The following FAAH2 variants were observed in gnomAD, a reference collection of about 807,000 sequenced individuals.
FAAH2 encodes fatty acid amide hydrolase 2, also known as fatty-acid amide hydrolase 2.
A neutral mutation model predicts 36.9 loss-of-function variants in FAAH2; 60 were observed. The observed-to-expected ratio is 1.63, with a 90% CI of 1.32 to 2.02. The LOEUF is 2.02. Among genes scored for constraint, FAAH2 ranks in the 30% most tolerant of loss-of-function variants. The probability of loss-of-function intolerance (pLI) is 0.00; values close to 1 mark genes in which losing one functional copy is unlikely to be tolerated. For missense variants in FAAH2, 689 were observed against 397.5 expected, an observed-to-expected ratio of 1.73 and a Z score of -6.23; for synonymous variants, 214 against 143.8, an observed-to-expected ratio of 1.49 and a Z score of -3.49.
the FAAH2 span, among the ~76,000 whole-genome samples, chrX:57,202,905 C>T: frequency 8.9e-6 from 1 of 111,780 alleles, no homozygotes; most frequent in Non-Finnish European, 1.9e-5. Context: ...AAAGCCTCAC[C>T]CCATCATCAC....
the FAAH2 span, among the ~76,000 whole-genome samples, chrX:57,246,183 C>T: frequency 1.8e-5 from 2 of 111,474 alleles, no homozygotes; most frequent in African/African-American, 3.3e-5. Flanking sequence ...AGAAAGAAGT[C>T]GAATCCCTGA....
intron 4 of FAAH2, among the ~76,000 whole-genome samples, chrX:57,341,018 C>A (rs889284815): frequency 3.6e-5 from 4 of 111,008 alleles, no homozygotes; most frequent in African/African-American, 9.8e-5. Context: ...AGCAGACACA[C>A]AAACACAGAC....
chrX:57,181,345 T>TA, the FAAH2 span, among the ~76,000 whole-genome samples: 100 of 111,966 alleles, frequency 8.9e-4, no homozygotes, highest in African/African-American at 2.9e-3. Flanking sequence ...AAACCCTGTA[T>TA]TCCCTGCCCA....
rs959362581 is a variant in FAAH2, at chrX:57,337,047, G to A, written c.623-4224G>A. 8.2e-5 allele frequency among the ~76,000 whole-genome samples: 9 copies of A among 109,450 alleles called. 1 individual carries two copies. The highest frequency in any genetic ancestry group is 7.6e-5 in the Non-Finnish European group (4 of 52,451). ...AAGAGAGAATTAAATAGACAAAATC[G>A]GAATGATAAGGGGTTATTACCACTG... On this transcript the variant is annotated intron_variant, in intron 4 of 10. Coordinates refer to ENST00000374900, the MANE Select transcript of FAAH2 (RefSeq NM_174912.4).
chrX:57,443,298 C>G (rs1482436080), intron 8 of FAAH2, among the ~76,000 whole-genome samples: 1 of 111,628 alleles, frequency 9.0e-6, no homozygotes, highest in East Asian at 2.8e-4. Flanking sequence ...TTCTTGGAGG[C>G]TTTGTTCATT....
chrX:57,148,763 G>C, the FAAH2 span, among the ~76,000 whole-genome samples: 1 of 111,317 alleles, frequency 9.0e-6, no homozygotes, highest in African/African-American at 3.3e-5. Context: ...TCCTTCTCCT[G>C]CCTCATTGTT....
chrX:57,461,190 C>G (rs752689699), intron 10 of FAAH2, among the ~76,000 whole-genome samples: 8 of 110,446 alleles, frequency 7.2e-5, no homozygotes, highest in Non-Finnish European at 1.5e-4. Flanking sequence ...ACTTAGACTC[C>G]CACACAATAA....
At chrX:57,319,644 T>A (rs2052955571) in intron 3 of FAAH2, among the ~76,000 whole-genome samples, 2 of 112,102 alleles carry the variant, frequency 1.8e-5, no homozygotes, top group Non-Finnish European at 3.8e-5. Flanking sequence ...TGCAATTGAC[T>A]TTTTTCACAG....
intron 5 of FAAH2, among the ~76,000 whole-genome samples, chrX:57,375,856 T>C (rs1602450370): frequency 8.9e-6 from 1 of 112,039 alleles, no homozygotes; most frequent in East Asian, 2.8e-4. Context: ...GATGCTTTAT[T>C]CATTTTCCTT....
the FAAH2 span, among the ~76,000 whole-genome samples, chrX:57,234,352 A>T: frequency 8.9e-6 from 1 of 111,799 alleles, no homozygotes; most frequent in South Asian, 3.7e-4. Flanking sequence ...TCAATGAGAA[A>T]TCAACCCACT....
intron 8 of FAAH2, among the ~76,000 whole-genome samples, chrX:57,441,911 G>A (rs897871381): frequency 9.0e-6 from 1 of 111,604 alleles, no homozygotes; most frequent in Non-Finnish European, 1.9e-5. Flanking sequence ...CCATATGGTA[G>A]AGCTGTTTTG....
the FAAH2 span, among the ~76,000 whole-genome samples, chrX:57,271,283 C>T: frequency 8.9e-6 from 1 of 112,781 alleles, no homozygotes; most frequent in Non-Finnish European, 1.9e-5. Context: ...TGCCAGATTT[C>T]TCCTCTCTGG....
At chrX:57,163,727 C>T in the FAAH2 span, among the ~76,000 whole-genome samples, 1 of 112,163 alleles carries the variant, frequency 8.9e-6, no homozygotes, top group Non-Finnish European at 1.9e-5. Context: ...GGCTCGCACA[C>T]GATGCGTGCA....
intron 10 of FAAH2, among the ~76,000 whole-genome samples, chrX:57,470,998 A>T (rs1387041771): frequency 8.9e-6 from 1 of 112,112 alleles, no homozygotes; most frequent in Non-Finnish European, 1.9e-5. Flanking sequence ...CAAAAAACAC[A>T]TGATTTTCTC....
In FAAH2 at chrX:57,418,859, A is replaced by G. The variant is rs780122180; in HGVS notation, c.997-13059A>G. Reference sequence around the variant, plus strand: ...AGCATTAGGTATATCTCCTAATGCTATCCTTCCCCCCTCCCCCCACCCAAC... The same window carrying G: ...AGCATTAGGTATATCTCCTAATGCTGTCCTTCCCCCCTCCCCCCACCCAAC... On this transcript the variant is annotated intron_variant, in intron 7 of 10. Transcript: ENST00000374900. 2.0e-3 allele frequency among the ~76,000 whole-genome samples: 193 copies of G among 97,117 alleles called. 3 individuals carry two copies. Among genetic ancestry groups the G allele is most frequent in the African/African-American group, 7.0e-3 (184 of 26,448 alleles). 84.3% of individuals were successfully genotyped at this position (97,117 alleles called of 115,157 possible). A position where few individuals can be genotyped will look rare whatever the true frequency, so the allele number is the denominator to read the frequency against.
chrX:57,370,763 C>A (rs181233496), intron 5 of FAAH2, among the ~76,000 whole-genome samples: 1 of 111,805 alleles, frequency 8.9e-6, no homozygotes, highest in African/African-American at 3.2e-5. Context: ...CTCATAGGAG[C>A]ATGAACCCTT....
chrX:57,243,441 C>T, the FAAH2 span, among the ~76,000 whole-genome samples: 6 of 112,200 alleles, frequency 5.3e-5, no homozygotes, highest in Non-Finnish European at 9.4e-5. Context: ...AACCCCCATG[C>T]CTCCTGACTG....
chrX:57,324,138 A>T (rs1323865803), intron 3 of FAAH2, among the ~76,000 whole-genome samples: 1 of 111,767 alleles, frequency 8.9e-6, no homozygotes, highest in Non-Finnish European at 1.9e-5. Context: ...TTTGTCAAAG[A>T]TCATATGTTT....
At chrX:57,158,079 A>C in the FAAH2 span, among the ~76,000 whole-genome samples, 1 of 111,123 alleles carries the variant, frequency 9.0e-6, no homozygotes, top group Non-Finnish European at 1.9e-5. Flanking sequence ...ATTCGCACCA[A>C]TGAGTGAGAA....
Sources: allele counts gnomAD v4.1 joint callset (sites outside exome capture counted in the v4.1 genomes callset), GRCh38; gene constraint gnomAD v4.1.1; transcripts MANE v1.5; gene names NCBI Gene and HGNC (gene_info 2026-07-23, HGNC 2026-07-21).